The following RXFP1 variants were observed in gnomAD, a reference collection of about 807,000 sequenced individuals.
RXFP1 encodes the protein relaxin family peptide receptor 1.
In RXFP1, 73 loss-of-function variants were observed where a neutral mutation model predicts 89.8. That is an observed-to-expected ratio of 0.81 (90% CI 0.67 to 0.99). RXFP1 has a LOEUF of 0.99. Ranked by LOEUF, RXFP1 falls within the 50% of genes least tolerant of loss-of-function variation. RXFP1 has a pLI of 0.00. For missense variants in RXFP1, 793 were observed against 895.5 expected (o/e 0.89, Z 1.46); for synonymous variants, 277 against 305.5 (o/e 0.91, Z 0.97).
intron 4 of RXFP1, among the ~76,000 whole-genome samples, chr4:158,602,255 G>C (rs1344307780): frequency 6.6e-6 from 1 of 152,068 alleles, no homozygotes; most frequent in Non-Finnish European, 1.5e-5. Context: ...ATAAATCCTA[G>C]ACACTATTAA....
intron 14 of RXFP1, among the ~76,000 whole-genome samples, chr4:158,640,419 G>C (rs1004502458): frequency 1.3e-5 from 2 of 152,184 alleles, no homozygotes; most frequent in African/African-American, 2.4e-5. Context: ...GAGAAGCATG[G>C]TACCAACCTC....
At chr4:158,542,388 G>T (rs1015642735) in intron 1 of RXFP1, among the ~76,000 whole-genome samples, 4 of 152,094 alleles carry the variant, frequency 2.6e-5, no homozygotes, top group Middle Eastern at 6.8e-3. Flanking sequence ...TTCAATTCAG[G>T]TGTGTCTGAT....
intron 11 of RXFP1, among the ~76,000 whole-genome samples, chr4:158,632,683 G>A (rs1768299479): frequency 6.6e-6 from 1 of 152,132 alleles, no homozygotes; most frequent in Admixed American, 6.5e-5. Context: ...AGGATAATAT[G>A]AGAGCCTGTG....
At chr4:158,618,309 C>T (rs1452064638) in intron 9 of RXFP1, among the ~76,000 whole-genome samples, 1 of 152,020 alleles carries the variant, frequency 6.6e-6, no homozygotes, top group Non-Finnish European at 1.5e-5. Flanking sequence ...TGCATTTAGA[C>T]AGAAGCAACT....
chr4:158,615,917 A>G (rs1764475002), intron 8 of RXFP1, among the ~76,000 whole-genome samples: 1 of 152,140 alleles, frequency 6.6e-6, no homozygotes, highest in Admixed American at 6.5e-5. Context: ...GCACCACTGC[A>G]CTTCAGCCTG....
At position 158,612,130 on chromosome 4, in the gene RXFP1, G is replaced by T. The variant is rs532121150; in HGVS notation, c.537G>T (p.Leu179=). Residue 179 remains leucine (L), a splice_region_variant and synonymous_variant, in exon 7 of 18, where the codon CTG becomes CTT. Transcript: ENST00000307765. ...AFRGLNSLTK[L]YLSHNRITFL... Reference sequence around the variant, plus strand: ...ATTGTAGTTATTTCTCCTTTTCCAGGTATCTCAGTCATAACAGAATAACCT... The same window carrying T: ...ATTGTAGTTATTTCTCCTTTTCCAGTTATCTCAGTCATAACAGAATAACCT... 14 of 1,596,262 alleles carry T rather than the reference G, an allele frequency of 8.8e-6. No individual in the cohort carries two copies. The highest frequency in any genetic ancestry group is 1.7e-4 in the Middle Eastern group (1 of 5,890).
intron 1 of RXFP1, among the ~76,000 whole-genome samples, chr4:158,531,495 T>C (rs1381096027): frequency 6.6e-6 from 1 of 152,222 alleles, no homozygotes; most frequent in Admixed American, 6.5e-5. Context: ...ACTTCTATTC[T>C]AATTTTTTCA....
chr4:158,568,274 C>G (rs1249905287), intron 1 of RXFP1, among the ~76,000 whole-genome samples: 2 of 152,216 alleles, frequency 1.3e-5, no homozygotes, highest in Non-Finnish European at 2.9e-5. Flanking sequence ...AAGAACCCAC[C>G]AATTCCGGAC....
chr4:158,576,990 T>G (rs1253307909), intron 2 of RXFP1, among the ~76,000 whole-genome samples: 4 of 151,020 alleles, frequency 2.6e-5, no homozygotes, highest in Admixed American at 2.0e-4. Context: ...ATCTGGATCA[T>G]TTATGCTCCC....
chr4:158,540,196 A>G (rs1343747441), intron 1 of RXFP1, among the ~76,000 whole-genome samples: 1 of 152,144 alleles, frequency 6.6e-6, no homozygotes, highest in African/African-American at 2.4e-5. Context: ...GGAAGAAAGA[A>G]TGGCTACTCC....
intron 1 of RXFP1, among the ~76,000 whole-genome samples, chr4:158,538,200 A>G (rs1205144291): frequency 6.6e-6 from 1 of 152,232 alleles, no homozygotes. Flanking sequence ...GCATGTCAGT[A>G]GAAGTTTTAG....
In RXFP1 at chr4:158,548,149, A is replaced by G. The variant is rs1475842644; in HGVS notation, c.50-24549A>G. Among the ~76,000 whole-genome samples the G allele has an allele frequency of 7.2e-5, 11 of 152,232 alleles. No homozygotes were observed. In the East Asian group the frequency reaches 1.9e-3, roughly 27 times the overall value. ...CTGGGTGCTCCTGTATTGGGTGCAC[A>G]TATATTTAGGATAGTTAGCTCTTAT... On this transcript the variant is annotated intron_variant, in intron 1 of 17. Transcript: ENST00000307765.
chr4:158,574,130 G>A (rs1755728265), intron 2 of RXFP1, among the ~76,000 whole-genome samples: 2 of 152,190 alleles, frequency 1.3e-5, no homozygotes, highest in Non-Finnish European at 2.9e-5. Flanking sequence ...TTGGATCTGA[G>A]TCACTGGGAA....
chr4:158,649,227 A>G (rs1772150811), intron 17 of RXFP1, among the ~76,000 whole-genome samples: 1 of 152,234 alleles, frequency 6.6e-6, no homozygotes, highest in Non-Finnish European at 1.5e-5. Context: ...TACAATTACT[A>G]TGGAACAAAG....
At chr4:158,647,228 CA>C (rs759069672) in intron 16 of RXFP1, 27 bp downstream of exon 16, 2 of 1,515,664 alleles carry the variant, frequency 1.3e-6, no homozygotes, top group Non-Finnish European at 1.8e-6. Context: ...CTAATGTTCA[CA>C]AATTTTTATT....
intron 12 of RXFP1, among the ~76,000 whole-genome samples, chr4:158,637,472 T>G (rs1769420629): frequency 6.6e-6 from 1 of 152,226 alleles, no homozygotes; most frequent in Non-Finnish European, 1.5e-5. Flanking sequence ...TCAGTTTGCA[T>G]TTCTCTGATG....
intron 1 of RXFP1, among the ~76,000 whole-genome samples, chr4:158,535,330 T>C (rs1745043343): frequency 6.6e-6 from 1 of 152,194 alleles, no homozygotes; most frequent in Non-Finnish European, 1.5e-5. Flanking sequence ...TGGTAATATA[T>C]TAGTAATTCA....
At chr4:158,575,027 C>A (rs1755914652) in intron 2 of RXFP1, among the ~76,000 whole-genome samples, 1 of 152,144 alleles carries the variant, frequency 6.6e-6, no homozygotes, top group Non-Finnish European at 1.5e-5. Context: ...GACAGAGCAA[C>A]AGGAAAACTT....
intron 11 of RXFP1, 71 bp downstream of exon 11, chr4:158,628,780 G>A: frequency 1.4e-6 from 1 of 727,248 alleles, no homozygotes; most frequent in South Asian, 2.3e-5. Flanking sequence ...ACTTACATGT[G>A]TTTATACATT....
Sources: gnomAD v4.1 joint callset for allele counts (sites outside exome capture counted in the v4.1 genomes callset) on GRCh38, gnomAD v4.1.1 for gene constraint, MANE v1.5 for transcripts, NCBI Gene and HGNC (gene_info 2026-07-23, HGNC 2026-07-21) for gene names.